The following KCNT2 variants were observed in gnomAD, a reference collection of about 807,000 sequenced individuals.
The protein encoded by KCNT2 is potassium channel subfamily T member 2.
A neutral mutation model predicts 153.8 loss-of-function variants in KCNT2; 67 were observed. That is an observed-to-expected ratio of 0.44 (90% confidence interval 0.36 to 0.53). KCNT2 has a LOEUF of 0.53. KCNT2 is among the 20% of genes least tolerant of loss of function. The probability of loss-of-function intolerance (pLI) is 0.00; values close to 1 mark genes in which losing one functional copy is unlikely to be tolerated. For synonymous variants in KCNT2, 500 were observed against 458.8 expected, an observed-to-expected ratio of 1.09 and a Z score of -1.15; for missense variants, 975 against 1,354.8, an observed-to-expected ratio of 0.72 and a Z score of 4.40.
At chr1:196,267,391 T>G (rs1343897576) in intron 25 of KCNT2, among the ~76,000 whole-genome samples, 2 of 152,192 alleles carry the variant, frequency 1.3e-5, no homozygotes, top group African/African-American at 4.8e-5. Flanking sequence ...ATCCACAATG[T>G]TAAGACAAAA....
chr1:196,291,077 A>G (rs1485012737), intron 22 of KCNT2, among the ~76,000 whole-genome samples: 2 of 152,148 alleles, frequency 1.3e-5, no homozygotes, highest in African/African-American at 4.8e-5. Flanking sequence ...CTATTTAGCT[A>G]AATACTGAAA....
At chr1:196,458,437 A>T (rs1676868250) in intron 8 of KCNT2, among the ~76,000 whole-genome samples, 2 of 151,950 alleles carry the variant, frequency 1.3e-5, no homozygotes, top group African/African-American at 2.4e-5. Flanking sequence ...ACACAAACCC[A>T]TACAAAATAA....
At chr1:196,414,015 T>C (rs1028579283) in intron 12 of KCNT2, among the ~76,000 whole-genome samples, 1 of 151,656 alleles carries the variant, frequency 6.6e-6, no homozygotes, top group Non-Finnish European at 1.5e-5. Flanking sequence ...TAATTCAATA[T>C]GTACTTTTAA....
intron 1 of KCNT2, among the ~76,000 whole-genome samples, chr1:196,526,296 A>C (rs1487487301): frequency 1.3e-5 from 2 of 151,014 alleles, no homozygotes; most frequent in African/African-American, 4.8e-5. Context: ...ATATTTTATA[A>C]ATTATAATAT....
chr1:196,455,231 C>T (rs1384939566), intron 8 of KCNT2, among the ~76,000 whole-genome samples: 1 of 151,956 alleles, frequency 6.6e-6, no homozygotes, highest in South Asian at 2.1e-4. Flanking sequence ...GATAATCTCC[C>T]CTAATTACAT....
At position 196,258,340 on chromosome 1, in the gene KCNT2, C is replaced by G. The variant is rs762235004; in HGVS notation, c.3065G>C (p.Ser1022Thr). The G allele has an allele frequency of 1.2e-6, 2 of 1,614,004 alleles. No homozygotes were observed. Among genetic ancestry groups the G allele is most frequent in the Admixed American group, 3.3e-5 (2 of 59,980 alleles). ...ACCAGAGTGTTTTGGGCCTTTTCTG[C>G]TCAGTCTTCGGGCCCACTGCATGCT... The part of the protein sequence containing the change: ...RKSMQWARRL[S>T]RKGPKHSGKT... Residue 1022 changes from serine to threonine, a missense_variant, in exon 26 of 28, where the codon AGC (serine) becomes ACC (threonine). Ser to Thr is a moderately conservative substitution (Grantham distance 58). This residue lies in a region of KCNT2 where 241 missense variants were observed against 271.1 expected (regional missense o/e 0.89). Coordinates refer to ENST00000294725, the MANE Select transcript of KCNT2 (RefSeq NM_198503.5).
At chr1:196,273,300 A>T (rs1658242094) in intron 25 of KCNT2, among the ~76,000 whole-genome samples, 1 of 151,872 alleles carries the variant, frequency 6.6e-6, no homozygotes, top group South Asian at 2.1e-4. Context: ...GGGAAATATA[A>T]GTACATTAAT....
chr1:196,292,766 TGC>T (rs1660309367), intron 22 of KCNT2, among the ~76,000 whole-genome samples: 2 of 143,264 alleles, frequency 1.4e-5, no homozygotes, highest in Non-Finnish European at 3.0e-5. Context: ...GAGTGGAGAT[TGC>T]GCCACTGCAC....
chr1:196,440,287 T>A (rs1675110085), intron 8 of KCNT2, among the ~76,000 whole-genome samples: 2 of 152,052 alleles, frequency 1.3e-5, no homozygotes, highest in Admixed American at 1.3e-4. Context: ...TGTATGTATA[T>A]GTTCCTTGAA....
At chr1:196,398,730 G>T in intron 12 of KCNT2, 59 bp from the exon 13 acceptor site, 1 of 882,918 alleles carries the variant, frequency 1.1e-6, no homozygotes, top group Non-Finnish European at 1.8e-6. Context: ...AACATATAAA[G>T]TAAAAGTAAG....
chr1:196,440,764 C>A (rs1168767810), intron 8 of KCNT2, among the ~76,000 whole-genome samples: 1 of 151,464 alleles, frequency 6.6e-6, no homozygotes, highest in Non-Finnish European at 1.5e-5. Flanking sequence ...TTAAAAAATT[C>A]TCCATCTCTA....
intron 5 of KCNT2, among the ~76,000 whole-genome samples, chr1:196,474,676 AGTTT>A (rs1678378293): frequency 6.6e-6 from 1 of 152,186 alleles, no homozygotes; most frequent in Admixed American, 6.5e-5. Flanking sequence ...ATTGTGCCAG[AGTTT>A]GTTTTTGTTT....
intron 11 of KCNT2, among the ~76,000 whole-genome samples, chr1:196,423,493 A>G (rs1673387234): frequency 6.6e-6 from 1 of 151,830 alleles, no homozygotes; most frequent in African/African-American, 2.4e-5. Context: ...GAGGGGTGGA[A>G]TACAGCTCCT....
At chr1:196,567,839 C>G (rs1303330731) in intron 1 of KCNT2, among the ~76,000 whole-genome samples, 1 of 152,224 alleles carries the variant, frequency 6.6e-6, no homozygotes, top group Non-Finnish European at 1.5e-5. Context: ...AACTATCCCT[C>G]AGTACTGGAA....
chr1:196,438,500 T>G (rs1674930761), intron 8 of KCNT2, among the ~76,000 whole-genome samples: 1 of 151,924 alleles, frequency 6.6e-6, no homozygotes, highest in South Asian at 2.1e-4. Flanking sequence ...AAAGAAGAGT[T>G]AGGCAATTTG....
chr1:196,592,127 C>T (rs940382152), intron 1 of KCNT2, among the ~76,000 whole-genome samples: 1 of 151,674 alleles, frequency 6.6e-6, no homozygotes, highest in Non-Finnish European at 1.5e-5. Context: ...TTCCATCAAC[C>T]GATGAATGGA....
chr1:196,603,694 CATG>C (rs1226644671), intron 1 of KCNT2, among the ~76,000 whole-genome samples: 1 of 152,092 alleles, frequency 6.6e-6, no homozygotes, highest in African/African-American at 2.4e-5. Context: ...AAAAGGTATG[CATG>C]ATTATTGGAT....
Position 196,479,250 on chromosome 1 carries a change from A to G in KCNT2, c.325-12T>C. 14 of 1,510,416 alleles carry G rather than the reference A, an allele frequency of 9.3e-6. No homozygotes were observed. The highest frequency in any genetic ancestry group is 1.0e-5 in the Non-Finnish European group (11 of 1,093,922). The allele number at this position is 1,510,416 out of a possible 1,614,324, so 93.6% of individuals were successfully genotyped here. ...AATGCCACTGAAACCTGAAAGATAA[A>G]TTGTAACTTAATGAGAAAACGCAAT... On this transcript the variant is annotated splice_polypyrimidine_tract_variant and intron_variant, in intron 4 of 27. Coordinates refer to ENST00000294725, the MANE Select transcript of KCNT2 (RefSeq NM_198503.5).
chr1:196,414,313 TA>T (rs1345972418), intron 12 of KCNT2, among the ~76,000 whole-genome samples: 2 of 151,790 alleles, frequency 1.3e-5, no homozygotes, highest in Admixed American at 1.3e-4. Flanking sequence ...ACTGCAAGAT[TA>T]ATCAATTAAA....
Sources: allele counts gnomAD v4.1 joint callset (sites outside exome capture counted in the v4.1 genomes callset), GRCh38; gene constraint gnomAD v4.1.1; regional missense constraint gnomAD v4.1.1; transcripts MANE v1.5; gene names NCBI Gene and HGNC (gene_info 2026-07-23, HGNC 2026-07-21).